Variants in FRYL observed in about 807,000 individuals in gnomAD.
The protein encoded by FRYL is protein furry homolog-like.
In FRYL, 150 loss-of-function variants were observed where a neutral mutation model predicts 351.2. The ratio of observed to expected loss-of-function variants is 0.43; its 90% CI spans 0.37 to 0.49. FRYL has a LOEUF of 0.49. Ranked by LOEUF, FRYL falls within the 20% of genes least tolerant of loss-of-function variation. The pLI, the probability that FRYL is intolerant of heterozygous loss-of-function variation, is 0.00. For missense variants in FRYL, 3,036 were observed against 3,619.3 expected (o/e 0.84, Z 4.13); for synonymous variants, 1,153 against 1,257.1 (o/e 0.92, Z 1.75).
chr4:48,556,581 C>T (rs1420472622), intron 35 of FRYL, among the ~76,000 whole-genome samples: 2 of 152,202 alleles, frequency 1.3e-5, no homozygotes, highest in African/African-American at 2.4e-5. Context: ...GCTTCAATAT[C>T]ACTTTCTCTC....
At chr4:48,522,791 T>C (rs1725193604) in intron 54 of FRYL, 110 bp downstream of exon 54, 3 of 841,664 alleles carry the variant, frequency 3.6e-6, no homozygotes, top group African/African-American at 1.7e-5. Flanking sequence ...ATCTTGTAGA[T>C]TCATTTCAGT....
At chr4:48,635,512 C>T (rs1754045323) in intron 3 of FRYL, among the ~76,000 whole-genome samples, 1 of 152,260 alleles carries the variant, frequency 6.6e-6, no homozygotes, top group Middle Eastern at 3.4e-3. Flanking sequence ...ATAGTGGTGC[C>T]ATTTACTCAG....
chr4:48,575,841 C>T (rs575047590), intron 24 of FRYL, among the ~76,000 whole-genome samples, 189 bp downstream of exon 24: 35 of 152,256 alleles, frequency 2.3e-4, no homozygotes, highest in African/African-American at 8.4e-4. Flanking sequence ...AAACTATGTA[C>T]GTATTATTGA....
At position 48,528,297 on chromosome 4, in the gene FRYL, C is replaced by T. The variant is rs770553300; in HGVS notation, c.6943G>A (p.Ala2315Thr). ...IGNKYGDQHS[A>T]AGRNGKPKVI... ...TTTGGTTTCCCATTTCTTCCAGCCG[C>T]ACTGTGCTGATCACCATATTTGTTT... Residue 2315 changes from alanine to threonine, a missense_variant, in exon 51 of 64, where the codon GCG becomes ACG. This residue lies in a region of FRYL where 1,987 missense variants were observed against 2,311.7 expected (regional missense o/e 0.86). Transcript: ENST00000358350. The T allele has an allele frequency of 1.0e-4, 164 of 1,613,222 alleles. No individual in the cohort carries two copies. In the East Asian group the frequency reaches 3.6e-3, roughly 35 times the overall value.
At chr4:48,590,964 T>C (rs1266633268) in intron 16 of FRYL, 134 bp from the exon 17 acceptor site, 7 of 633,904 alleles carry the variant, frequency 1.1e-5, no homozygotes, top group Non-Finnish European at 1.6e-5. Flanking sequence ...CTAACCTTTC[T>C]GTCCAACATT....
intron 3 of FRYL, among the ~76,000 whole-genome samples, chr4:48,652,585 T>TA (rs1258312409): frequency 3.9e-5 from 6 of 152,068 alleles, no homozygotes; most frequent in African/African-American, 1.5e-4. Flanking sequence ...TACTTATAGA[T>TA]AAAAAATAAA....
intron 35 of FRYL, among the ~76,000 whole-genome samples, chr4:48,556,758 C>T (rs896450843): frequency 4.6e-5 from 7 of 151,934 alleles, no homozygotes; most frequent in African/African-American, 1.7e-4. Context: ...TATTACCCAT[C>T]AGATTGTAAT....
chr4:48,608,858 T>C (rs1462043296), intron 9 of FRYL, 129 bp downstream of exon 9: 3 of 667,114 alleles, frequency 4.5e-6, no homozygotes, highest in Non-Finnish European at 8.1e-6. Context: ...AGTAAAGTAA[T>C]AAAAGGTGGA....
At chr4:48,744,096 A>G (rs936216548) in intron 1 of FRYL, among the ~76,000 whole-genome samples, 1 of 152,210 alleles carries the variant, frequency 6.6e-6, no homozygotes, top group African/African-American at 2.4e-5. Context: ...GTATTTACTA[A>G]GAATGTTAAG....
chr4:48,540,280 T>G, intron 46 of FRYL, 73 bp downstream of exon 46: 2 of 1,481,154 alleles, frequency 1.4e-6, no homozygotes, highest in Non-Finnish European at 1.8e-6. Context: ...AATTAGTAGA[T>G]TTCAAAACAA....
At chr4:48,643,154 C>A (rs559413475) in intron 3 of FRYL, among the ~76,000 whole-genome samples, 1 of 152,324 alleles carries the variant, frequency 6.6e-6, no homozygotes, top group Admixed American at 6.5e-5. Flanking sequence ...TCCTGCAGGA[C>A]CTCATCCAGC....
At chr4:48,616,857 T>C (rs1749572595) in intron 7 of FRYL, among the ~76,000 whole-genome samples, 1 of 152,174 alleles carries the variant, frequency 6.6e-6, no homozygotes, top group African/African-American at 2.4e-5. Flanking sequence ...AAAGTAAAAG[T>C]CCTATTAAAT....
intron 3 of FRYL, chr4:48,638,611 A>G (rs1202521062): frequency 1.3e-5 from 2 of 152,200 alleles, no homozygotes; most frequent in Non-Finnish European, 2.9e-5. Context: ...TACTGGGTAT[A>G]TACCCAAAGG....
intron 1 of FRYL, among the ~76,000 whole-genome samples, chr4:48,747,334 A>G (rs1183651112): frequency 6.6e-6 from 1 of 152,242 alleles, no homozygotes; most frequent in Non-Finnish European, 1.5e-5. Flanking sequence ...AAAATCCTCA[A>G]GAGTGAGGAT....
chr4:48,619,334 T>G lies in FRYL; in HGVS notation c.351A>C (p.Glu117Asp), dbSNP rs1205790562. 1 of 1,597,474 alleles carries G rather than the reference T, an allele frequency of 6.3e-7. No individual in the cohort carries two copies. Among genetic ancestry groups the G allele is most frequent in the Non-Finnish European group, 8.5e-7 (1 of 1,174,958 alleles). The part of the protein sequence containing the change: ...EQQRERDYLL[E>D]RRDLAVDFIF... ...TGAAGTCTACTGCTAAGTCCCTCCT[T>G]TCAAGAAGATAATCTCTTTCACGTT... Residue 117 changes from glutamate (E) to aspartate (D), a missense_variant, in exon 7 of 64, where the codon GAA (glutamate) becomes GAC (aspartate). Physicochemically the swap from Glu to Asp is conservative, Grantham distance 45. Coordinates refer to ENST00000358350, the MANE Select transcript of FRYL (RefSeq NM_015030.2).
At chr4:48,545,094 T>A (rs560831759) in intron 42 of FRYL, among the ~76,000 whole-genome samples, 190 bp from the exon 43 acceptor site, 3 of 152,212 alleles carry the variant, frequency 2.0e-5, no homozygotes, top group Non-Finnish European at 2.9e-5. Context: ...CTCATTTCAG[T>A]GTCTAGCAAC....
At chr4:48,551,914 G>A (rs556613548) in intron 36 of FRYL, among the ~76,000 whole-genome samples, 9 of 152,188 alleles carry the variant, frequency 5.9e-5, no homozygotes, top group East Asian at 3.9e-4. Flanking sequence ...AAGGTGGTGC[G>A]AAAAAATAGG....
intron 1 of FRYL, among the ~76,000 whole-genome samples, chr4:48,713,177 A>G (rs572680246): frequency 3.9e-5 from 6 of 152,150 alleles, no homozygotes; most frequent in African/African-American, 1.4e-4. Flanking sequence ...TCAACTAACA[A>G]GCAAAATAAC....
At chr4:48,759,098 G>A (rs1199680036) in intron 1 of FRYL, among the ~76,000 whole-genome samples, 1 of 152,132 alleles carries the variant, frequency 6.6e-6, no homozygotes, top group African/African-American at 2.4e-5. Context: ...GGGGGAAGGG[G>A]GGAGAATAGC....
Sources: allele counts gnomAD v4.1 joint callset (sites outside exome capture counted in the v4.1 genomes callset), GRCh38; gene constraint gnomAD v4.1.1; regional missense constraint gnomAD v4.1.1; transcripts MANE v1.5; gene names NCBI Gene and HGNC (gene_info 2026-07-23, HGNC 2026-07-21).